IMMP2L: variants seen among roughly 807,000 people sequenced by gnomAD.
IMMP2L encodes the protein inner mitochondrial membrane peptidase subunit 2, also known as mitochondrial inner membrane protease subunit 2.
A neutral mutation model predicts 19.3 loss-of-function variants in IMMP2L; 18 were observed. The observed-to-expected ratio is 0.93, with a 90% CI of 0.64 to 1.38. The LOEUF is 1.38. IMMP2L is among the 40% of genes most tolerant of loss of function. The probability of loss-of-function intolerance (pLI) is 0.00; values close to 1 mark genes in which losing one functional copy is unlikely to be tolerated. For synonymous variants in IMMP2L, 76 were observed against 73.0 expected, an observed-to-expected ratio of 1.04 and a Z score of -0.21; for missense variants, 233 against 218.2, an observed-to-expected ratio of 1.07 and a Z score of -0.43.
intron 3 of IMMP2L, among the ~76,000 whole-genome samples, chr7:111,459,052 A>G (rs959375753): frequency 6.6e-6 from 1 of 152,150 alleles, no homozygotes; most frequent in Non-Finnish European, 1.5e-5. Flanking sequence ...GGATGCTAAA[A>G]TGTTATTGAA....
chr7:111,453,107 C>T (rs1462596869), intron 3 of IMMP2L, among the ~76,000 whole-genome samples: 1 of 152,116 alleles, frequency 6.6e-6, no homozygotes, highest in African/African-American at 2.4e-5. Flanking sequence ...TTCTAATCTT[C>T]GTGTCATTAT....
intron 1 of IMMP2L, among the ~76,000 whole-genome samples, chr7:111,522,938 T>TATATATATATATA (rs199823915): frequency 7.4e-5 from 11 of 148,798 alleles, no homozygotes; most frequent in African/African-American, 2.5e-4. Flanking sequence ...TATATATATA[T>TATATATATATATA]TATTTCACCA....
At position 111,544,376 on chromosome 7, in the gene IMMP2L, C is replaced by G. The variant is rs1389331130; in HGVS notation, c.-3+17475G>C. Among the ~76,000 whole-genome samples the G allele has an allele frequency of 2.0e-5, 3 of 151,758 alleles. No homozygotes were observed. In the East Asian group the frequency reaches 5.8e-4, roughly 29 times the overall value. On this transcript the variant is annotated intron_variant, in intron 1 of 5. Coordinates refer to ENST00000405709, the MANE Select transcript of IMMP2L (RefSeq NM_032549.4). ...AAACCTGCACATTGTGTACATGTAC[C>G]CTAGAACTTAAAGTATAATAAAAAA...
In IMMP2L at chr7:110,848,322, T is replaced by C. The variant is rs370572224; in HGVS notation, c.408+38271A>G. Among the ~76,000 whole-genome samples, 125 of 152,178 alleles carry C rather than the reference T, an allele frequency of 8.2e-4. 1 individual carries two copies. The highest frequency in any genetic ancestry group is 2.7e-3 in the African/African-American group (111 of 41,518). ...ATATGTAAAGACGTCCAACATAATATAGCATTTGGGAATTTCAAATTAAAA... is the reference window on the plus strand; with the variant it reads ...ATATGTAAAGACGTCCAACATAATACAGCATTTGGGAATTTCAAATTAAAA... On this transcript the variant is annotated intron_variant, in intron 5 of 5. Transcript: ENST00000405709.
chr7:111,316,822 T>G (rs900510619), intron 3 of IMMP2L, among the ~76,000 whole-genome samples: 2 of 150,412 alleles, frequency 1.3e-5, no homozygotes, highest in African/African-American at 2.4e-5. Context: ...ATGAGAGAGA[T>G]ATTGTTGGCT....
intron 3 of IMMP2L, among the ~76,000 whole-genome samples, chr7:111,468,108 G>T (rs1789617846): frequency 1.3e-5 from 2 of 151,924 alleles, no homozygotes; most frequent in South Asian, 4.2e-4. Flanking sequence ...TATACTAATG[G>T]CCATAATTAC....
At chr7:111,217,678 A>G (rs1812101777) in intron 3 of IMMP2L, among the ~76,000 whole-genome samples, 1 of 152,114 alleles carries the variant, frequency 6.6e-6, no homozygotes, top group Non-Finnish European at 1.5e-5. Flanking sequence ...CAAAACTAGT[A>G]TATTTTATAT....
chr7:110,890,155 T>G (rs908890447), intron 4 of IMMP2L, among the ~76,000 whole-genome samples: 1 of 152,198 alleles, frequency 6.6e-6, no homozygotes, highest in Admixed American at 6.5e-5. Flanking sequence ...CTATTTTTAA[T>G]GGTACAATCA....
intron 2 of IMMP2L, among the ~76,000 whole-genome samples, chr7:111,514,111 G>GT (rs1332933494): frequency 6.6e-6 from 1 of 152,006 alleles, no homozygotes. Flanking sequence ...GAAGTCTAAT[G>GT]TACAGCAAGG....
At chr7:111,507,390 A>G (rs1458137579) in intron 2 of IMMP2L, among the ~76,000 whole-genome samples, 1 of 152,172 alleles carries the variant, frequency 6.6e-6, no homozygotes. Context: ...AAATCTCCTT[A>G]GCCAAATCTA....
chr7:110,745,657 C>CAT (rs932102504), intron 5 of IMMP2L, among the ~76,000 whole-genome samples: 5 of 152,148 alleles, frequency 3.3e-5, no homozygotes, highest in African/African-American at 1.2e-4. Context: ...AACTAAGCTT[C>CAT]ATAAGTGAAG....
chr7:110,878,836 CAA>C (rs1317569934), intron 5 of IMMP2L, among the ~76,000 whole-genome samples: 1 of 152,084 alleles, frequency 6.6e-6, no homozygotes, highest in Admixed American at 6.6e-5. Flanking sequence ...ACAGAATACT[CAA>C]GTGTGTAATA....
At chr7:111,497,027 A>G (rs1843660637) in intron 2 of IMMP2L, among the ~76,000 whole-genome samples, 1 of 152,152 alleles carries the variant, frequency 6.6e-6, no homozygotes, top group Admixed American at 6.5e-5. Context: ...CTGTAAAACT[A>G]CATTAATAAA....
intron 5 of IMMP2L, among the ~76,000 whole-genome samples, chr7:110,802,160 G>T (rs1049840225): frequency 3.3e-5 from 5 of 151,948 alleles, no homozygotes; most frequent in African/African-American, 9.7e-5. Flanking sequence ...AGAATCCTTG[G>T]TCTACCCTAG....
chr7:111,423,527 T>C (rs990242635), intron 3 of IMMP2L, among the ~76,000 whole-genome samples: 2 of 151,910 alleles, frequency 1.3e-5, no homozygotes, highest in African/African-American at 4.9e-5. Flanking sequence ...TATTCTCTGA[T>C]GGTAGTTTGT....
At chr7:111,470,595 T>C (rs1475400566) in intron 3 of IMMP2L, among the ~76,000 whole-genome samples, 1 of 151,248 alleles carries the variant, frequency 6.6e-6, no homozygotes, top group Admixed American at 6.6e-5. Flanking sequence ...AAATTGGAAA[T>C]CATCATTCTC....
chr7:111,421,996 G>A (rs1035766246), intron 3 of IMMP2L, among the ~76,000 whole-genome samples: 12 of 151,712 alleles, frequency 7.9e-5, no homozygotes, highest in African/African-American at 2.7e-4. Context: ...CCCATTTCTT[G>A]TTGTTTTTGT....
intron 5 of IMMP2L, among the ~76,000 whole-genome samples, chr7:110,702,847 T>C (rs1794378905): frequency 6.6e-6 from 1 of 152,152 alleles, no homozygotes. Flanking sequence ...TACAATCATG[T>C]TTTTAAAACT....
At chr7:111,419,849 C>A (rs1380967979) in intron 3 of IMMP2L, among the ~76,000 whole-genome samples, 1 of 151,434 alleles carries the variant, frequency 6.6e-6, no homozygotes, top group Non-Finnish European at 1.5e-5. Flanking sequence ...TAATTTACTG[C>A]CCTTACTCAA....
Sources: allele counts gnomAD v4.1 joint callset (sites outside exome capture counted in the v4.1 genomes callset), GRCh38; gene constraint gnomAD v4.1.1; transcripts MANE v1.5; gene names NCBI Gene and HGNC (gene_info 2026-07-23, HGNC 2026-07-21).